TSPOAP1: variants seen among roughly 807,000 people sequenced by gnomAD.
TSPOAP1 encodes TSPO associated protein 1.
A neutral mutation model predicts 197.0 loss-of-function variants in TSPOAP1; 87 were observed. The ratio of observed to expected loss-of-function variants is 0.44; its 90% CI spans 0.37 to 0.53. TSPOAP1 has a LOEUF of 0.53. TSPOAP1 is among the 20% of genes least tolerant of loss of function. The pLI is 0.00. For missense variants in TSPOAP1, 2,174 were observed against 2,411.3 expected, an observed-to-expected ratio of 0.90 and a Z score of 2.06; for synonymous variants, 913 against 998.9, an observed-to-expected ratio of 0.91 and a Z score of 1.62.
chr17:58,312,315 C>T lies in TSPOAP1; in HGVS notation c.2506G>A (p.Gly836Arg), dbSNP rs1370015608. 2 of 1,612,782 alleles carry T rather than the reference C, an allele frequency of 1.2e-6. No homozygotes were observed. Among genetic ancestry groups the T allele is most frequent in the Non-Finnish European group, 8.5e-7 (1 of 1,179,868 alleles). Reference sequence around the variant, plus strand: ...ACGGCCTTGGGTGGCGCCCCAGGCCCCAGGGCCTGTCGCAGCTCCCCATTC... The same window carrying T: ...ACGGCCTTGGGTGGCGCCCCAGGCCTCAGGGCCTGTCGCAGCTCCCCATTC... ...CVNGELRQAL[G>R]PGAPPKAVLE... The change falls in exon 17 of 32, where the codon GGG becomes AGG. Residue 836 changes from glycine (G) to arginine (R), a missense_variant. Coordinates refer to ENST00000343736, the MANE Select transcript of TSPOAP1 (RefSeq NM_004758.4).
chr17:58,308,693 C>G lies in TSPOAP1; in HGVS notation c.4579G>C (p.Ala1527Pro). ...TSSCYPGDGE[A>P]WGTATVGRPR... ...CTTCCTACAGTTGCTGTGCCCCAGG[C>G]CTCCCCATCTCCAGGGTAGCAGGAG... The change falls in exon 22 of 32, where the codon GCC (alanine) becomes CCC (proline). Residue 1527 changes from alanine (A) to proline (P), a missense_variant. By Grantham distance (27) the Ala-to-Pro change is conservative. This residue lies in a region of TSPOAP1 where 1,933 missense variants were observed against 2,139.0 expected (regional missense o/e 0.90). Coordinates refer to ENST00000343736, the MANE Select transcript of TSPOAP1 (RefSeq NM_004758.4). The G allele has an allele frequency of 6.2e-7, 1 of 1,612,936 alleles. No homozygotes were observed. Among genetic ancestry groups the G allele is most frequent in the Non-Finnish European group, 8.5e-7 (1 of 1,179,898 alleles).
chr17:58,307,710 C>A lies in TSPOAP1; in HGVS notation c.4884G>T (p.Arg1628Ser), dbSNP rs1289884081. The change falls in exon 24 of 32, where the codon AGG becomes AGT. Residue 1628 changes from arginine to serine, a missense_variant. This residue lies in a region of TSPOAP1 where 1,933 missense variants were observed against 2,139.0 expected (regional missense o/e 0.90). Coordinates refer to ENST00000343736, the MANE Select transcript of TSPOAP1 (RefSeq NM_004758.4). ...CATAGTCAAACAGAGCCACAAAGAT[C>A]CTGACGGGTAGGTGCTGGTAAGCCA... ...ETLAYQHLPV[R>S]IFVALFDYDP... The A allele has an allele frequency of 3.7e-6, 6 of 1,614,080 alleles. No individual in the cohort carries two copies. Among genetic ancestry groups the A allele is most frequent in the Non-Finnish European group, 5.1e-6 (6 of 1,180,050 alleles).
At chr17:58,325,106 C>T in intron 4 of TSPOAP1, 104 bp from the exon 5 acceptor site, 2 of 1,045,662 alleles carry the variant, frequency 1.9e-6, no homozygotes, top group Admixed American at 2.7e-5. Flanking sequence ...GGCTCCGATG[C>T]GCGAGACTGT....
chr17:58,316,385 C>G (rs1166837863), intron 15 of TSPOAP1, 40 bp downstream of exon 15: 1 of 1,558,744 alleles, frequency 6.4e-7, no homozygotes, highest in Non-Finnish European at 8.8e-7. Context: ...ACCCCAAATG[C>G]TGGGGCTGGG....
Position 58,311,443 on chromosome 17 carries a change from C to A in TSPOAP1, c.3081+128G>T, listed in dbSNP as rs549138331. On this transcript the variant is annotated intron_variant, in intron 18 of 31. Coordinates refer to ENST00000343736, the MANE Select transcript of TSPOAP1 (RefSeq NM_004758.4). The stretch of plus-strand genomic sequence containing the variant: ...TGCTGCCAAAGCCCATGCTCTTAAC[C>A]CATCTGCCTCATGGTACCCAAATGC... 2.1e-4 allele frequency: 294 copies of A among 1,367,580 alleles called. 3 individuals carry two copies. In the South Asian group the frequency reaches 4.1e-3, roughly 19 times the overall value. 84.7% of individuals were successfully genotyped at this position (1,367,580 alleles called of 1,614,324 possible). A position where few individuals can be genotyped will look rare whatever the true frequency, so the allele number is the denominator to read the frequency against.
rs749779228 is a variant in TSPOAP1, at chr17:58,309,019, C to A, written c.4253G>T (p.Arg1418Leu). The A allele has an allele frequency of 1.2e-6, 2 of 1,607,652 alleles. No homozygotes were observed. Among genetic ancestry groups the A allele is most frequent in the Non-Finnish European group, 1.7e-6 (2 of 1,177,704 alleles). The change falls in exon 22 of 32, where the codon CGC becomes CTC. Residue 1418 changes from arginine to leucine, a missense_variant. By Grantham distance (102) the Arg-to-Leu change is moderately radical. Around this residue, in one of 5 missense-constraint regions of TSPOAP1, gnomAD observed 1,933 missense variants for 2,139.0 expected, o/e 0.90. Transcript: ENST00000343736. The surrounding 1 kb of genome is among the most constrained non-coding windows in gnomAD (Gnocchi z 5.0). ...TTCTCGGGGATCTGGAGGCCGCCTG[C>A]GGCTTGGGGGCTTCTCAGGGGAGCC... Reference protein sequence around the residue: ...GGGSPEKPPSRRRPPDPREHC... With the variant: ...GGGSPEKPPSLRRPPDPREHC...
chr17:58,312,017 A>C lies in TSPOAP1; in HGVS notation c.2804T>G (p.Leu935Ter). ...PSTYWATFCH[L>*]RPGTPYQAQV... Reference sequence around the variant, plus strand: ...GGCCTGATAGGGTGTGCCAGGCCGTAAGTGGCAGAAGGTGGCCCAGTAGGT... The same window carrying C: ...GGCCTGATAGGGTGTGCCAGGCCGTCAGTGGCAGAAGGTGGCCCAGTAGGT... The change falls in exon 17 of 32, where the codon TTA (leucine) becomes TGA (stop). Residue 935 changes from leucine (L) to a stop codon, truncating the protein, a stop_gained. Coordinates refer to ENST00000343736, the MANE Select transcript of TSPOAP1 (RefSeq NM_004758.4). LOFTEE classifies it high-confidence loss of function. The C allele has an allele frequency of 6.2e-7, 1 of 1,613,478 alleles. No individual in the cohort carries two copies. The highest frequency in any genetic ancestry group is 8.5e-7 in the Non-Finnish European group (1 of 1,179,912).
intron 31 of TSPOAP1, chr17:58,303,081 C>T (rs972680796): frequency 6.6e-6 from 1 of 152,408 alleles, no homozygotes; most frequent in African/African-American, 2.4e-5. Flanking sequence ...CAGCCCCCAC[C>T]ACAGGCTCTG....
At chr17:58,314,397 G>A (rs1394559779) in intron 16 of TSPOAP1, among the ~76,000 whole-genome samples, 1 of 152,244 alleles carries the variant, frequency 6.6e-6, no homozygotes, top group African/African-American at 2.4e-5. Context: ...ATCTTGAGAT[G>A]AGATCATCCT....
Position 58,324,731 on chromosome 17 carries a change from C to T in TSPOAP1, c.942+80G>A, listed in dbSNP as rs940028817. 44 of 1,219,374 alleles carry T rather than the reference C, an allele frequency of 3.6e-5. 1 individual carries two copies. In the Admixed American group the frequency reaches 8.7e-4, roughly 24 times the overall value. The allele number at this position is 1,219,374 out of a possible 1,614,324, so 75.5% of individuals were successfully genotyped here. On this transcript the variant is annotated intron_variant, in intron 5 of 31. Coordinates refer to ENST00000343736, the MANE Select transcript of TSPOAP1 (RefSeq NM_004758.4). The surrounding 1 kb of genome is among the most constrained non-coding windows in gnomAD (Gnocchi z 5.8). ...CACTGAGTCCTTGGGGTTCTGAGCA[C>T]GGTGCAGGGGAGATCCCGGTGGTCG... is the stretch of plus-strand genomic sequence containing the variant.
intron 16 of TSPOAP1, among the ~76,000 whole-genome samples, chr17:58,314,676 T>C (rs995027449): frequency 2.6e-5 from 4 of 152,252 alleles, no homozygotes; most frequent in Admixed American, 2.6e-4. Context: ...TAAATGTCTA[T>C]TGTTTCAAGC....
Position 58,305,733 on chromosome 17 carries a change from T to A in TSPOAP1, c.5258-90A>T, listed in dbSNP as rs1035510118. The A allele has an allele frequency of 5.9e-6, 9 of 1,515,932 alleles. No homozygotes were observed. In the African/African-American group the frequency reaches 1.2e-4, roughly 21 times the overall value. The allele number at this position is 1,515,932 out of a possible 1,614,324, so 93.9% of individuals were successfully genotyped here. A position where few individuals can be genotyped will look rare whatever the true frequency, so the allele number is the denominator to read the frequency against. On this transcript the variant is annotated intron_variant, in intron 27 of 31. Transcript: ENST00000343736. ...GCCCCGGACCCCTGCTGACCCCCTG[T>A]CACCACCTCCCCACTAGCTGTAGCC...
At position 58,305,301 on chromosome 17, in the gene TSPOAP1, G is replaced by A. The variant is rs777545713; in HGVS notation, c.5433+86C>T. ...GGGAGGTGACCCGTTCCATTCCTCC[G>A]GACTTCCTGAGGGTTCCTTGCCTAT... On this transcript the variant is annotated intron_variant, in intron 29 of 31. Transcript: ENST00000343736. 120 of 1,549,016 alleles carry A rather than the reference G, an allele frequency of 7.7e-5. No individual in the cohort carries two copies. The African/African-American group carries it at 9.1e-4, about 12-fold the overall frequency.
rs757034981 is a variant in TSPOAP1 at position 58,310,496 on chromosome 17, G to A, written c.3699+16C>T. On this transcript the variant is annotated intron_variant, in intron 20 of 31. Transcript: ENST00000343736. Reference sequence around the variant, plus strand: ...TCAATTCTCTGAAGTGACACAGTGTGTCCCCAAACCCCTACCTCAGCCCTG... The same window carrying A: ...TCAATTCTCTGAAGTGACACAGTGTATCCCCAAACCCCTACCTCAGCCCTG... The A allele has an allele frequency of 2.5e-6, 4 of 1,610,196 alleles. No homozygotes were observed. The East Asian group carries it at 8.9e-5, about 36-fold the overall frequency.
At position 58,322,310 on chromosome 17, in the gene TSPOAP1, G is replaced by C. The variant is rs1971425522; in HGVS notation, c.1420C>G (p.Gln474Glu). The change falls in exon 10 of 32, where the codon CAG becomes GAG. Residue 474 changes from glutamine (Q) to glutamate (E), a missense_variant and splice_region_variant. Gln to Glu is a conservative substitution (Grantham distance 29, BLOSUM62 2). This residue lies in a region of TSPOAP1 where 1,933 missense variants were observed against 2,139.0 expected (regional missense o/e 0.90). Transcript: ENST00000343736. This position sits in a 1 kb window ranked among gnomAD's most constrained non-coding sequence, Gnocchi z 5.0. ...EKQEEVRRLQ[Q>E]AQAEAQREHE... is the part of the protein sequence containing the mutation. The stretch of plus-strand genomic sequence containing the variant: ...AGCTTCCCTCACTGCCGCCCCACCT[G>C]CTGCAGTCTCCGGACCTCCTCCTGC... 7 of 1,602,788 alleles carry C rather than the reference G, an allele frequency of 4.4e-6. No individual in the cohort carries two copies. In the East Asian group the frequency reaches 1.6e-4, roughly 36 times the overall value.
chr17:58,327,196 C>T lies in TSPOAP1; in HGVS notation c.333+392G>A, dbSNP rs564281657. Among the ~76,000 whole-genome samples, 5 of 152,130 alleles carry T rather than the reference C, an allele frequency of 3.3e-5. No homozygotes were observed. In the East Asian group the frequency reaches 7.7e-4, roughly 24 times the overall value. ...AGCCCAGCACCAAGCCCCCTCCCCT[C>T]AATCTACTTCCTCTGCACTGATTCT... On this transcript the variant is annotated intron_variant, in intron 1 of 31. Coordinates refer to ENST00000343736, the MANE Select transcript of TSPOAP1 (RefSeq NM_004758.4).
At chr17:58,313,419 T>C (rs1303482953) in intron 16 of TSPOAP1, among the ~76,000 whole-genome samples, 1 of 151,866 alleles carries the variant, frequency 6.6e-6, no homozygotes, top group Non-Finnish European at 1.5e-5. Context: ...TTGTGACCAA[T>C]CTGGGCAACA....
chr17:58,308,223 C>G (rs1359024211), intron 22 of TSPOAP1, among the ~76,000 whole-genome samples: 1 of 152,248 alleles, frequency 6.6e-6, no homozygotes, highest in African/African-American at 2.4e-5. Context: ...CCGTCAGCAT[C>G]AGGGCAGGTA....
rs1360220078 is a variant in TSPOAP1 at position 58,304,910 on chromosome 17, T to A, written c.5544+151A>T. On this transcript the variant is annotated intron_variant, in intron 30 of 31. Transcript: ENST00000343736. The surrounding 1 kb of genome is among the most constrained non-coding windows in gnomAD (Gnocchi z 4.2). ...GGGCAGCTGCTTGGTGGGGCTCCCC[T>A]CTGGTGGTCAATTAGCGGCTGCACG... 1.4e-6 allele frequency: 1 copy of A among 713,664 alleles called. No individual in the cohort carries two copies. Among genetic ancestry groups the A allele is most frequent in the East Asian group, 2.7e-5 (1 of 37,302 alleles). 44.2% of individuals were successfully genotyped at this position (713,664 alleles called of 1,614,324 possible). A position where few individuals can be genotyped will look rare whatever the true frequency, so the allele number is the denominator to read the frequency against.
Sources: allele counts gnomAD v4.1 joint callset (sites outside exome capture counted in the v4.1 genomes callset), GRCh38; gene constraint gnomAD v4.1.1; regional missense constraint gnomAD v4.1.1; non-coding constraint Gnocchi (gnomAD v3.1); transcripts MANE v1.5; gene names NCBI Gene and HGNC (gene_info 2026-07-23, HGNC 2026-07-21).